Variants in NAV2 observed in about 807,000 individuals in gnomAD.
NAV2 encodes the protein helicase, APC down-regulated 1.
A neutral mutation model predicts 223.2 loss-of-function variants in NAV2; 54 were observed. The ratio of observed to expected loss-of-function variants is 0.24; its 90% CI spans 0.19 to 0.30. NAV2 has a LOEUF of 0.30. Ranked by LOEUF, NAV2 falls within the 10% of genes least tolerant of loss-of-function variation. The probability of loss-of-function intolerance (pLI) is 1.00; values close to 1 mark genes in which losing one functional copy is unlikely to be tolerated. For synonymous variants in NAV2, 1,279 were observed against 1,239.3 expected (o/e 1.03, Z -0.67); for missense variants, 2,806 against 3,147.5 (o/e 0.89, Z 2.60).
chr11:19,419,354 G>A (rs1850514774), intron 1 of NAV2, among the ~76,000 whole-genome samples: 1 of 152,180 alleles, frequency 6.6e-6, no homozygotes, highest in Non-Finnish European at 1.5e-5. Flanking sequence ...AGAAAACTTA[G>A]GAAACATGTC....
At chr11:19,437,864 A>G (rs1851268029) in intron 1 of NAV2, among the ~76,000 whole-genome samples, 1 of 152,238 alleles carries the variant, frequency 6.6e-6, no homozygotes. Flanking sequence ...AATACATTGA[A>G]TAAGTATTCC....
chr11:19,764,181 C>T (rs2055013446), intron 1 of NAV2, among the ~76,000 whole-genome samples: 1 of 152,188 alleles, frequency 6.6e-6, no homozygotes, highest in East Asian at 1.9e-4. Flanking sequence ...TGGAGGGAAT[C>T]AAAGTGGCCA....
At chr11:19,729,551 G>A (rs1340706314) in intron 1 of NAV2, among the ~76,000 whole-genome samples, 1 of 152,190 alleles carries the variant, frequency 6.6e-6, no homozygotes, top group Non-Finnish European at 1.5e-5. Context: ...CCATAGAGTT[G>A]AGCTTCTTTT....
At chr11:19,687,331 G>T (rs1005784112) in intron 1 of NAV2, among the ~76,000 whole-genome samples, 1 of 152,184 alleles carries the variant, frequency 6.6e-6, no homozygotes, top group Non-Finnish European at 1.5e-5. Context: ...CCAGGTTACA[G>T]CCTTCCCTCT....
intron 1 of NAV2, among the ~76,000 whole-genome samples, chr11:19,734,356 G>A (rs898162177): frequency 6.6e-6 from 1 of 152,186 alleles, no homozygotes; most frequent in African/African-American, 2.4e-5. Flanking sequence ...CATGAGTGAG[G>A]TCATCAGCTT....
At chr11:19,724,555 C>T (rs889651178) in intron 1 of NAV2, among the ~76,000 whole-genome samples, 2 of 152,186 alleles carry the variant, frequency 1.3e-5, no homozygotes, top group African/African-American at 4.8e-5. Flanking sequence ...GAAGCTTTTG[C>T]ACTTGGCTCA....
chr11:19,962,026 A>G (rs577299033), intron 10 of NAV2, among the ~76,000 whole-genome samples: 1 of 151,642 alleles, frequency 6.6e-6, no homozygotes, highest in Non-Finnish European at 1.5e-5. Context: ...CAAGTCCAAA[A>G]TCTTCAGATG....
chr11:19,817,179 C>A (rs1442479117), intron 1 of NAV2, among the ~76,000 whole-genome samples: 1 of 152,138 alleles, frequency 6.6e-6, no homozygotes, highest in Non-Finnish European at 1.5e-5. Context: ...CCTTATATAG[C>A]CACTCACCTG....
At chr11:19,905,369 T>TC (rs11462754) in intron 6 of NAV2, among the ~76,000 whole-genome samples, 55,393 of 152,020 alleles carry the variant, frequency 0.36, 10,344 homozygotes, top group East Asian at 0.62. Flanking sequence ...CTTGGATAAT[T>TC]CCTTGCCCTC....
At chr11:19,674,994 C>A (rs957523089) in intron 1 of NAV2, among the ~76,000 whole-genome samples, 3 of 152,186 alleles carry the variant, frequency 2.0e-5, no homozygotes, top group Non-Finnish European at 4.4e-5. Context: ...AGGTGCCTAG[C>A]AGAGATCAAG....
At chr11:19,641,868 C>T (rs1339948724) in intron 1 of NAV2, among the ~76,000 whole-genome samples, 1 of 152,072 alleles carries the variant, frequency 6.6e-6, no homozygotes, top group African/African-American at 2.4e-5. Context: ...GCACTTATAA[C>T]AATCTGAAAT....
chr11:19,645,506 T>C (rs1306723773), intron 1 of NAV2, among the ~76,000 whole-genome samples: 1 of 152,168 alleles, frequency 6.6e-6, no homozygotes, highest in Non-Finnish European at 1.5e-5. Flanking sequence ...GATAAATTAG[T>C]AATGTCTGCC....
chr11:19,682,442 A>G (rs1031154218), intron 1 of NAV2, among the ~76,000 whole-genome samples: 5 of 152,232 alleles, frequency 3.3e-5, no homozygotes, highest in African/African-American at 9.6e-5. Context: ...TGCCAAGCAC[A>G]TTGTGAAGTG....
intron 2 of NAV2, among the ~76,000 whole-genome samples, chr11:19,841,036 T>C (rs1489163652): frequency 6.6e-6 from 1 of 152,232 alleles, no homozygotes; most frequent in Non-Finnish European, 1.5e-5. Flanking sequence ...GTTTGTGCTT[T>C]TCATGGCACC....
At chr11:19,456,847 A>G (rs1590236870) in intron 1 of NAV2, among the ~76,000 whole-genome samples, 2 of 152,118 alleles carry the variant, frequency 1.3e-5, no homozygotes, top group Non-Finnish European at 2.9e-5. Flanking sequence ...ACTCTCCTGG[A>G]CAGATGCTGT....
chr11:19,667,674 TC>T (rs1465150725), intron 1 of NAV2, among the ~76,000 whole-genome samples: 1 of 152,190 alleles, frequency 6.6e-6, no homozygotes, highest in East Asian at 1.9e-4. Context: ...CAATGCATAA[TC>T]TCTGAGGAAC....
chr11:19,746,674 C>A (rs991817827), intron 1 of NAV2, among the ~76,000 whole-genome samples: 1 of 151,992 alleles, frequency 6.6e-6, no homozygotes, highest in Non-Finnish European at 1.5e-5. Context: ...ATTCTTCTAA[C>A]CCCTTTGCCA....
At chr11:20,085,790 G>A (rs982689442) in intron 26 of NAV2, among the ~76,000 whole-genome samples, 4 of 152,218 alleles carry the variant, frequency 2.6e-5, no homozygotes, top group Admixed American at 1.3e-4. Context: ...GTGGGGGTTT[G>A]GAGAGTGCAG....
intron 1 of NAV2, among the ~76,000 whole-genome samples, chr11:19,725,773 T>C (rs2051183306): frequency 6.6e-6 from 1 of 152,368 alleles, no homozygotes; most frequent in East Asian, 1.9e-4. Context: ...CCCACACCCA[T>C]GTATTAGGCA....
Sources: allele counts gnomAD v4.1 joint callset (sites outside exome capture counted in the v4.1 genomes callset), GRCh38; gene constraint gnomAD v4.1.1; transcripts MANE v1.5; gene names NCBI Gene and HGNC (gene_info 2026-07-23, HGNC 2026-07-21).